The following KCND2 variants were observed in gnomAD, a reference collection of about 807,000 sequenced individuals.
KCND2 encodes A-type voltage-gated potassium channel KCND2.
A neutral mutation model predicts 54.4 loss-of-function variants in KCND2; 16 were observed. That is an observed-to-expected ratio of 0.29 (90% CI 0.20 to 0.45). KCND2 has a LOEUF of 0.45. KCND2 is among the 20% of genes least tolerant of loss of function. KCND2 has a pLI of 1.00. For synonymous variants in KCND2, 317 were observed against 310.7 expected, an observed-to-expected ratio of 1.02 and a Z score of -0.21; for missense variants, 486 against 824.2, an observed-to-expected ratio of 0.59 and a Z score of 5.02.
At chr7:120,517,726 C>T (rs1456854845) in intron 1 of KCND2, among the ~76,000 whole-genome samples, 1 of 152,116 alleles carries the variant, frequency 6.6e-6, no homozygotes, top group African/African-American at 2.4e-5. Context: ...CATTTGTTTT[C>T]ATCTATCTTC....
chr7:120,275,894 C>A (rs564959011), intron 1 of KCND2, 147 bp downstream of exon 1: 1 of 879,808 alleles, frequency 1.1e-6, no homozygotes, highest in Admixed American at 2.4e-5. Flanking sequence ...TGGCAAAACT[C>A]TTTTCATCTG....
chr7:120,624,878 C>T (rs1408441791), intron 1 of KCND2, among the ~76,000 whole-genome samples: 2 of 152,066 alleles, frequency 1.3e-5, no homozygotes, highest in Non-Finnish European at 2.9e-5. Flanking sequence ...GACATTTTCT[C>T]ATAATACATT....
chr7:120,305,679 C>T (rs1304145002), intron 1 of KCND2, among the ~76,000 whole-genome samples: 1 of 152,142 alleles, frequency 6.6e-6, no homozygotes, highest in African/African-American at 2.4e-5. Context: ...AGTATTTCTT[C>T]CTGGATTTCA....
chr7:120,716,637 G>A (rs1218605285), intron 1 of KCND2, among the ~76,000 whole-genome samples: 1 of 152,060 alleles, frequency 6.6e-6, no homozygotes, highest in Non-Finnish European at 1.5e-5. Context: ...ACCAGCCCTG[G>A]CTAAAACTTT....
At chr7:120,727,960 C>T (rs1792755397) in intron 1 of KCND2, among the ~76,000 whole-genome samples, 1 of 151,492 alleles carries the variant, frequency 6.6e-6, no homozygotes, top group Non-Finnish European at 1.5e-5. Flanking sequence ...ATGGTGAAAC[C>T]CCTTCTCTAC....
intron 1 of KCND2, among the ~76,000 whole-genome samples, chr7:120,607,581 G>A (rs541433153): frequency 6.6e-6 from 1 of 152,162 alleles, no homozygotes; most frequent in East Asian, 1.9e-4. Context: ...AAGACACTGT[G>A]ATACCCTTTT....
intron 1 of KCND2, among the ~76,000 whole-genome samples, chr7:120,485,529 C>T (rs1443987937): frequency 2.0e-5 from 3 of 152,112 alleles, no homozygotes; most frequent in Admixed American, 1.3e-4. Context: ...TTTGCTCAGA[C>T]CAAAAGGTGA....
At chr7:120,536,859 T>G (rs540833225) in intron 1 of KCND2, among the ~76,000 whole-genome samples, 71 of 152,326 alleles carry the variant, frequency 4.7e-4, no homozygotes, top group African/African-American at 1.6e-3. Context: ...TCTTTTTAAT[T>G]ATTTTTGTCA....
At chr7:120,656,470 G>A (rs1791804700) in intron 1 of KCND2, among the ~76,000 whole-genome samples, 3 of 152,050 alleles carry the variant, frequency 2.0e-5, no homozygotes, top group Admixed American at 2.0e-4. Flanking sequence ...AATTGGAAAT[G>A]GTAAAAACGG....
At chr7:120,354,455 G>A (rs1800466881) in intron 1 of KCND2, among the ~76,000 whole-genome samples, 1 of 152,192 alleles carries the variant, frequency 6.6e-6, no homozygotes. Context: ...CAAGCTACAG[G>A]AGTGGTTTAA....
chr7:120,362,732 A>G (rs1334954241), intron 1 of KCND2, among the ~76,000 whole-genome samples: 1 of 152,114 alleles, frequency 6.6e-6, no homozygotes, highest in African/African-American at 2.4e-5. Flanking sequence ...TAAGATTCTT[A>G]AAAGTCTGTA....
At chr7:120,621,316 T>C (rs1053586236) in intron 1 of KCND2, among the ~76,000 whole-genome samples, 1 of 145,178 alleles carries the variant, frequency 6.9e-6, no homozygotes, top group African/African-American at 2.6e-5. Flanking sequence ...AACCATATGG[T>C]ATCCTGTCAC....
Position 120,313,095 on chromosome 7 carries a change from G to A in KCND2, c.1115+37348G>A, listed in dbSNP as rs535727345. On this transcript the variant is annotated intron_variant, in intron 1 of 5. Transcript: ENST00000331113. Reference sequence around the variant, plus strand: ...CTTGGAACTTTATTAACCCCATGGCGCCCATGGGGCCAAACATTGTCTGCT... The same window carrying A: ...CTTGGAACTTTATTAACCCCATGGCACCCATGGGGCCAAACATTGTCTGCT... Among the ~76,000 whole-genome samples the A allele has an allele frequency of 3.3e-5, 5 of 152,184 alleles. No individual in the cohort carries two copies. The South Asian group carries it at 6.2e-4, about 19-fold the overall frequency.
chr7:120,500,933 C>CAAAT (rs1320944038), intron 1 of KCND2, among the ~76,000 whole-genome samples: 1 of 151,558 alleles, frequency 6.6e-6, no homozygotes, highest in Non-Finnish European at 1.5e-5. Context: ...TATTGTACTA[C>CAAAT]AAATAATGGT....
chr7:120,352,471 C>T (rs200889763), intron 1 of KCND2, among the ~76,000 whole-genome samples: 3,915 of 149,592 alleles, frequency 0.026, 80 homozygotes, highest in Non-Finnish European at 0.042. Context: ...CACACACACA[C>T]ACACACACAC....
intron 1 of KCND2, among the ~76,000 whole-genome samples, chr7:120,510,454 G>C (rs1377370813): frequency 6.6e-6 from 1 of 151,972 alleles, no homozygotes; most frequent in Non-Finnish European, 1.5e-5. Context: ...AAGATGTGGA[G>C]GAAAACGCTA....
chr7:120,313,662 A>G (rs926300706), intron 1 of KCND2, among the ~76,000 whole-genome samples: 2 of 150,720 alleles, frequency 1.3e-5, no homozygotes, highest in African/African-American at 4.9e-5. Flanking sequence ...TTTCCAAATT[A>G]CTTCTAGTTC....
At chr7:120,276,297 C>T (rs1299513185) in intron 1 of KCND2, among the ~76,000 whole-genome samples, 1 of 152,066 alleles carries the variant, frequency 6.6e-6, no homozygotes, top group African/African-American at 2.4e-5. Flanking sequence ...TGCACATATT[C>T]ATATGTATGC....
intron 1 of KCND2, among the ~76,000 whole-genome samples, chr7:120,600,785 T>C (rs1423927135): frequency 6.6e-6 from 1 of 152,092 alleles, no homozygotes. Context: ...TATAATATGC[T>C]GATATAGGAA....
Sources: gnomAD v4.1 joint callset for allele counts (sites outside exome capture counted in the v4.1 genomes callset) on GRCh38, gnomAD v4.1.1 for gene constraint, MANE v1.5 for transcripts, NCBI Gene and HGNC (gene_info 2026-07-23, HGNC 2026-07-21) for gene names.